IFIT2: variants seen among roughly 807,000 people sequenced by gnomAD.
IFIT2 encodes the protein interferon-induced protein with tetratricopeptide repeats 2.
Under a neutral mutation model 2.5 loss-of-function variants are expected in IFIT2, and 3 were observed. That is an observed-to-expected ratio of 1.21 (90% CI 0.55 to 3.14). The LOEUF (loss-of-function observed/expected upper bound fraction) is 3.14, where lower values mean the gene tolerates loss of function less well. IFIT2 is among the 30% of genes most tolerant of loss of function. IFIT2 has a pLI of 0.03. For synonymous variants in IFIT2, 212 were observed against 200.7 expected, an observed-to-expected ratio of 1.06 and a Z score of -0.48; for missense variants, 493 against 558.9, an observed-to-expected ratio of 0.88 and a Z score of 1.19.
chr10:89,305,883 A>G (rs2133521030), intron 1 of IFIT2, 79 bp from the exon 2 acceptor site: 1 of 942,070 alleles, frequency 1.1e-6, no homozygotes, highest in East Asian at 2.4e-5. Context: ...TAGGAGGAGG[A>G]GCATTTTATT....
At position 89,306,869 on chromosome 10, in the gene IFIT2, G is replaced by T. The variant is rs1409622028; in HGVS notation, c.913G>T (p.Gly305Ter). Residue 305 changes from glycine to a stop codon, truncating the protein, a stop_gained, in exon 2 of 2, where the codon GGA (glycine) becomes TGA (stop). Transcript: ENST00000371826. LOFTEE classifies it low-confidence loss of function (END_TRUNC). ...CCAAGTAATGAATCTAAGAGAGAAT[G>T]GAATGTATGGGAAAAGAAAGTTACT... Reference protein sequence around the residue: ...VFQVMNLRENGMYGKRKLLEL... With the variant: ...VFQVMNLREN 1 of 1,614,062 alleles carries T rather than the reference G, an allele frequency of 6.2e-7. No individual in the cohort carries two copies. The highest frequency in any genetic ancestry group is 1.3e-5 in the African/African-American group (1 of 75,032).
chr10:89,306,210 A>G lies in IFIT2; in HGVS notation c.254A>G (p.His85Arg). 2 of 1,614,206 alleles carry G rather than the reference A, an allele frequency of 1.2e-6. No homozygotes were observed. Among genetic ancestry groups the G allele is most frequent in the Non-Finnish European group, 1.7e-6 (2 of 1,180,020 alleles). ...RKAEELIQQEHADQAEIRSLV... is the reference protein window; with the variant it reads ...RKAEELIQQERADQAEIRSLV... Reference sequence around the variant, plus strand: ...GCTGAAGAGTTAATCCAGCAAGAGCATGCTGACCAGGCAGAAATCAGAAGT... The same window carrying G: ...GCTGAAGAGTTAATCCAGCAAGAGCGTGCTGACCAGGCAGAAATCAGAAGT... The change falls in exon 2 of 2, where the codon CAT becomes CGT. Residue 85 changes from histidine (H) to arginine (R), a missense_variant. Transcript: ENST00000371826.
intron 1 of IFIT2, 29 bp downstream of exon 1, chr10:89,302,157 T>TG (rs1564780259): frequency 6.2e-7 from 1 of 1,612,828 alleles, no homozygotes; most frequent in Non-Finnish European, 8.5e-7. Context: ...TATTCGGTAG[T>TG]GCTGTTGAGT....
intron 1 of IFIT2, among the ~76,000 whole-genome samples, chr10:89,303,713 T>C (rs899779452): frequency 6.6e-6 from 1 of 152,258 alleles, no homozygotes. Context: ...ACCTCAATTC[T>C]ATTTACTCTC....
In IFIT2 at chr10:89,308,097, C is replaced by T. The variant is rs928740025; in HGVS notation, c.*722C>T. On this transcript the variant is annotated 3_prime_UTR_variant, in exon 2 of 2. Coordinates refer to ENST00000371826, the MANE Select transcript of IFIT2 (RefSeq NM_001547.5). ...GAGTTCACCTCTACTCTGCCCTCCT[C>T]ATAGTCATAATGTAGCAAGTAAAGA... is the stretch of plus-strand genomic sequence containing the variant. The T allele has an allele frequency of 4.3e-4, 65 of 152,170 alleles. No homozygotes were observed. The highest frequency in any genetic ancestry group is 1.5e-3 in the African/African-American group (64 of 41,430). 9.4% of individuals were successfully genotyped at this position (152,170 alleles called of 1,614,324 possible).
In IFIT2 at chr10:89,308,035, G is replaced by A. The variant is rs963998822; in HGVS notation, c.*660G>A. ...TAGCTAGAAGCGACGGGTACAAAAAGCAATGTGTACAAGAAGACTTTCAGC... is the reference window on the plus strand; with the variant it reads ...TAGCTAGAAGCGACGGGTACAAAAAACAATGTGTACAAGAAGACTTTCAGC... On this transcript the variant is annotated 3_prime_UTR_variant, in exon 2 of 2. Coordinates refer to ENST00000371826, the MANE Select transcript of IFIT2 (RefSeq NM_001547.5). The A allele has an allele frequency of 6.6e-6, 1 of 152,462 alleles. No individual in the cohort carries two copies. The highest frequency in any genetic ancestry group is 1.5e-5 in the Non-Finnish European group (1 of 68,290). The allele number at this position is 152,462 out of a possible 1,614,324, so 9.4% of individuals were successfully genotyped here.
Position 89,306,577 on chromosome 10 carries a change from C to A in IFIT2, c.621C>A (p.Asp207Glu). 1 of 1,614,130 alleles carries A rather than the reference C, an allele frequency of 6.2e-7. No homozygotes were observed. Among genetic ancestry groups the A allele is most frequent in the East Asian group, 2.2e-5 (1 of 44,884 alleles). ...GGCAAGCCATTCGGCTGAATCCTGA[C>A]AACCAGTACCTTAAAGTCCTCCTGG... ...PLRQAIRLNPDNQYLKVLLAL... is the reference protein window; with the variant it reads ...PLRQAIRLNPENQYLKVLLAL... Residue 207 changes from aspartate to glutamate, a missense_variant, in exon 2 of 2, where the codon GAC becomes GAA. Asp to Glu is a conservative substitution (Grantham distance 45). Transcript: ENST00000371826.
At chr10:89,304,154 G>A (rs983637708) in intron 1 of IFIT2, among the ~76,000 whole-genome samples, 12 of 152,120 alleles carry the variant, frequency 7.9e-5, no homozygotes, top group Admixed American at 3.9e-4. Context: ...ACAAAAATAG[G>A]ATGGAAAATA....
At chr10:89,304,503 C>A (rs1843465747) in intron 1 of IFIT2, among the ~76,000 whole-genome samples, 1 of 152,022 alleles carries the variant, frequency 6.6e-6, no homozygotes, top group Admixed American at 6.6e-5. Flanking sequence ...GTGATCCTGC[C>A]ACATTGCATG....
chr10:89,304,483 T>C (rs917959944), intron 1 of IFIT2, among the ~76,000 whole-genome samples: 3 of 152,166 alleles, frequency 2.0e-5, no homozygotes, highest in African/African-American at 4.8e-5. Flanking sequence ...TCTAGACATA[T>C]GTTTCATAAG....
Position 89,307,433 on chromosome 10 carries a change from C to T in IFIT2, c.*58C>T. ...CTGAAAGGGAGCTGAAATTCCTCCA[C>T]CAAGTTGGTATTCAAAATATGTAAT... is the stretch of plus-strand genomic sequence containing the variant. On this transcript the variant is annotated 3_prime_UTR_variant, in exon 2 of 2. Coordinates refer to ENST00000371826, the MANE Select transcript of IFIT2 (RefSeq NM_001547.5). The T allele has an allele frequency of 1.5e-6, 2 of 1,375,864 alleles. No individual in the cohort carries two copies. The highest frequency in any genetic ancestry group is 2.0e-6 in the Non-Finnish European group (2 of 999,672). 85.2% of individuals were successfully genotyped at this position (1,375,864 alleles called of 1,614,324 possible). A position where few individuals can be genotyped will look rare whatever the true frequency, so the allele number is the denominator to read the frequency against.
intron 1 of IFIT2, among the ~76,000 whole-genome samples, chr10:89,303,070 T>G (rs749151429): frequency 3.9e-5 from 6 of 152,078 alleles, no homozygotes; most frequent in Non-Finnish European, 5.9e-5. Flanking sequence ...TCACCCAGAA[T>G]CTATAGAACC....
chr10:89,306,667 A>G lies in IFIT2; in HGVS notation c.711A>G (p.Glu237=). 1 of 1,614,154 alleles carries G rather than the reference A, an allele frequency of 6.2e-7. No individual in the cohort carries two copies. The highest frequency in any genetic ancestry group is 8.5e-7 in the Non-Finnish European group (1 of 1,179,970). ...EEEGEGEKLV[E]EALEKAPGVT... is the part of the protein sequence containing the mutation. ...AAGGTGAAGGAGAGAAGTTAGTTGAAGAAGCCTTGGAGAAAGCCCCAGGTG... is the reference window on the plus strand; with the variant it reads ...AAGGTGAAGGAGAGAAGTTAGTTGAGGAAGCCTTGGAGAAAGCCCCAGGTG... Residue 237 remains glutamate (E), a synonymous_variant, in exon 2 of 2, where the codon GAA becomes GAG. Transcript: ENST00000371826.
rs1294123451 is a variant in IFIT2 at position 89,307,088 on chromosome 10, G to A, written c.1132G>A (p.Gly378Ser). The A allele has an allele frequency of 1.2e-6, 2 of 1,613,864 alleles. No individual in the cohort carries two copies. The highest frequency in any genetic ancestry group is 1.7e-6 in the Non-Finnish European group (2 of 1,179,958). The change falls in exon 2 of 2, where the codon GGC becomes AGC. Residue 378 changes from glycine to serine, a missense_variant. By Grantham distance (56) the Gly-to-Ser change is moderately conservative (BLOSUM62 0). Transcript: ENST00000371826. ...GAAACAACTGCTCCATCTGCGGTAT[G>A]GCAACTTTCAGCTGTACCAAATGAA... Reference protein sequence around the residue: ...VAKQLLHLRYGNFQLYQMKCE... With the variant: ...VAKQLLHLRYSNFQLYQMKCE...
At chr10:89,302,806 A>G (rs1342856858) in intron 1 of IFIT2, among the ~76,000 whole-genome samples, 1 of 152,122 alleles carries the variant, frequency 6.6e-6, no homozygotes, top group Non-Finnish European at 1.5e-5. Flanking sequence ...CTCATTGAAT[A>G]GGAAGGGAAA....
chr10:89,303,704 C>A lies in IFIT2; in HGVS notation c.5+1576C>A, dbSNP rs188366829. Among the ~76,000 whole-genome samples, 23 of 152,258 alleles carry A rather than the reference C, an allele frequency of 1.5e-4. 1 individual carries two copies. The highest frequency in any genetic ancestry group is 5.5e-4 in the African/African-American group (23 of 41,544). On this transcript the variant is annotated intron_variant, in intron 1 of 1. Transcript: ENST00000371826. Reference sequence around the variant, plus strand: ...TTTATGTTTTATATGGTGGAGATAACCTCAATTCTATTTACTCTCTCTGTT... The same window carrying A: ...TTTATGTTTTATATGGTGGAGATAAACTCAATTCTATTTACTCTCTCTGTT...
rs1460482508 is a variant in IFIT2 at position 89,306,147 on chromosome 10, A to C, written c.191A>C (p.Lys64Thr). Reference protein sequence around the residue: ...CNLLAYLKHLKGQNEAALECL... With the variant: ...CNLLAYLKHLTGQNEAALECL... ...CTACTGGCCTATCTAAAGCACCTCAAAGGGCAAAACGAGGCAGCCCTGGAA... is the reference window on the plus strand; with the variant it reads ...CTACTGGCCTATCTAAAGCACCTCACAGGGCAAAACGAGGCAGCCCTGGAA... Residue 64 changes from lysine to threonine, a missense_variant, in exon 2 of 2, where the codon AAA becomes ACA. Coordinates refer to ENST00000371826, the MANE Select transcript of IFIT2 (RefSeq NM_001547.5). 2 of 1,614,134 alleles carry C rather than the reference A, an allele frequency of 1.2e-6. No homozygotes were observed. Among genetic ancestry groups the C allele is most frequent in the Admixed American group, 3.3e-5 (2 of 60,014 alleles).
In IFIT2 at chr10:89,305,960, A is replaced by G; in HGVS notation, c.6-2A>G. 6.2e-7 allele frequency: 1 copy of G among 1,603,898 alleles called. No individual in the cohort carries two copies. Among genetic ancestry groups the G allele is most frequent in the Non-Finnish European group, 8.5e-7 (1 of 1,172,008 alleles). On this transcript the variant is annotated splice_acceptor_variant, in intron 1 of 1. Transcript: ENST00000371826. LOFTEE classifies it high-confidence loss of function. ...AGTCCATCTTTGTGTTTTTCCCTACAGTGAGAACAATAAGAATTCCTTGGA... is the reference window on the plus strand; with the variant it reads ...AGTCCATCTTTGTGTTTTTCCCTACGGTGAGAACAATAAGAATTCCTTGGA...
chr10:89,306,070 A>G lies in IFIT2; in HGVS notation c.114A>G (p.Val38=). 6.2e-7 allele frequency: 1 copy of G among 1,614,128 alleles called. No homozygotes were observed. Among genetic ancestry groups the G allele is most frequent in the Non-Finnish European group, 8.5e-7 (1 of 1,179,984 alleles). Residue 38 remains valine (V), a synonymous_variant, in exon 2 of 2, where the codon GTA becomes GTG. Transcript: ENST00000371826. The part of the protein sequence containing the change: ...ENSLDDFEDK[V]FYRTEFQNRE... The stretch of plus-strand genomic sequence containing the variant: ...CCTTGGATGATTTTGAAGACAAAGT[A>G]TTTTACCGGACTGAGTTTCAGAATC...
Sources: gnomAD v4.1 joint callset for allele counts (sites outside exome capture counted in the v4.1 genomes callset) on GRCh38, gnomAD v4.1.1 for gene constraint, MANE v1.5 for transcripts, NCBI Gene and HGNC (gene_info 2026-07-23, HGNC 2026-07-21) for gene names.